Variants in MAP7 observed in about 807,000 individuals in gnomAD.
The protein encoded by MAP7 is microtubule associated protein 7, also known as ensconsin.
In MAP7, 52 loss-of-function variants were observed where a neutral mutation model predicts 94.8. The observed-to-expected ratio is 0.55, with a 90% CI of 0.44 to 0.69. The LOEUF is 0.69. Ranked by LOEUF, MAP7 falls within the 30% of genes least tolerant of loss-of-function variation. MAP7 has a pLI of 0.00. For missense variants in MAP7, 940 were observed against 964.6 expected (o/e 0.97, Z 0.34); for synonymous variants, 350 against 357.0 (o/e 0.98, Z 0.22).
intron 6 of MAP7, among the ~76,000 whole-genome samples, chr6:136,380,034 T>A (rs556506015): frequency 6.6e-6 from 1 of 152,326 alleles, no homozygotes; most frequent in South Asian, 2.1e-4. Flanking sequence ...TTTGTTTTTT[T>A]CCCCTAGAGG....
chr6:136,532,209 G>A (rs759595321), intron 1 of MAP7, among the ~76,000 whole-genome samples: 5 of 152,146 alleles, frequency 3.3e-5, no homozygotes, highest in Non-Finnish European at 7.3e-5. Context: ...GTGTCACAGT[G>A]GAATCGGCAG....
In MAP7 at chr6:136,356,715, G is replaced by A; in HGVS notation, c.1992C>T (p.His664=). 2 of 1,614,092 alleles carry A rather than the reference G, an allele frequency of 1.2e-6. No individual in the cohort carries two copies. The highest frequency in any genetic ancestry group is 1.7e-6 in the Non-Finnish European group (2 of 1,180,002). Residue 664 remains histidine, a synonymous_variant, in exon 16 of 18, where the codon CAC becomes CAT. Transcript: ENST00000354570. The part of the protein sequence containing the change: ...PVGSPHVVTS[H]QSKVTVESTP... ...ACCTCTCCACTGTCACTTTTGACTG[G>A]TGTGAGGTAACCACATGTGGGCTGC... is the stretch of plus-strand genomic sequence containing the variant.
chr6:136,393,978 A>AATTTTTTTTTTTTTTTTTTTT lies in MAP7; in HGVS notation c.245-4462_245-4461insAAAAAAAAAAAAAAAAAAAAT, dbSNP rs1554242697. 2.2e-4 allele frequency among the ~76,000 whole-genome samples: 8 copies of AATTTTTTTTTTTTTTTTTTTT among 36,204 alleles called. 3 individuals are homozygous for AATTTTTTTTTTTTTTTTTTTT. The highest frequency in any genetic ancestry group is 2.1e-4 in the Non-Finnish European group (3 of 13,996). The allele number at this position is 36,204 out of a possible 152,430, so 23.8% of individuals were successfully genotyped here. A position where few individuals can be genotyped will look rare whatever the true frequency, so the allele number is the denominator to read the frequency against. ...GTTCTGATATCTCTGCAGCAAAGGTATTTTTTTTTTTTTTTTTTTTTTTGA... is the reference window on the plus strand; with the variant it reads ...GTTCTGATATCTCTGCAGCAAAGGTAATTTTTTTTTTTTTTTTTTTTTTTTTTTTTTTTTTTTTTTTTTTGA... On this transcript the variant is annotated intron_variant, in intron 3 of 17. Coordinates refer to ENST00000354570, the MANE Select transcript of MAP7 (RefSeq NM_003980.6).
chr6:136,354,143 CATCTACTATATATAAAAATATGT>C (rs1394679750), intron 16 of MAP7, among the ~76,000 whole-genome samples: 2,675 of 142,784 alleles, frequency 0.019, 72 homozygotes, highest in African/African-American at 0.064. Context: ...AAAATATATA[CATCTACTATATATAAAAATATGT>C]ATCTACTATA....
chr6:136,476,995 G>C (rs1397634207), intron 1 of MAP7, among the ~76,000 whole-genome samples: 2 of 152,108 alleles, frequency 1.3e-5, no homozygotes, highest in East Asian at 1.9e-4. Flanking sequence ...AATTGATCCA[G>C]GCAAGAATCA....
chr6:136,488,846 C>G (rs1173691561), intron 1 of MAP7, among the ~76,000 whole-genome samples: 7 of 152,120 alleles, frequency 4.6e-5, no homozygotes. Context: ...AAATTTTAGG[C>G]ATAATCTCAA....
intron 1 of MAP7, among the ~76,000 whole-genome samples, chr6:136,539,882 G>A (rs1014314696): frequency 6.6e-6 from 1 of 152,216 alleles, no homozygotes; most frequent in East Asian, 1.9e-4. Flanking sequence ...GGTAGGCTGA[G>A]GTAGGAGAAT....
intron 1 of MAP7, among the ~76,000 whole-genome samples, chr6:136,538,075 C>T (rs1829027718): frequency 6.6e-6 from 1 of 152,182 alleles, no homozygotes; most frequent in South Asian, 2.1e-4. Context: ...AGCCACCATG[C>T]CTGGCTGAAA....
At chr6:136,388,599 A>C in intron 4 of MAP7, 89 bp from the exon 5 acceptor site, 2 of 955,580 alleles carry the variant, frequency 2.1e-6, no homozygotes, top group South Asian at 2.8e-5. Flanking sequence ...GAGGAGTACT[A>C]CTTCAATTCC....
At chr6:136,417,471 C>A (rs554105760) in intron 2 of MAP7, among the ~76,000 whole-genome samples, 132 of 152,346 alleles carry the variant, frequency 8.7e-4, no homozygotes, top group African/African-American at 3.0e-3. Flanking sequence ...TAGGCCTTGA[C>A]TCATATGTAA....
At chr6:136,352,190 ATTTTTT>A (rs60677576) in intron 16 of MAP7, among the ~76,000 whole-genome samples, 2 of 137,864 alleles carry the variant, frequency 1.5e-5, no homozygotes, top group Admixed American at 7.4e-5. Context: ...TGCTATTCGT[ATTTTTT>A]TTTTTTTTTT....
At chr6:136,506,121 T>A in intron 1 of MAP7, among the ~76,000 whole-genome samples, 1 of 152,200 alleles carries the variant, frequency 6.6e-6, no homozygotes, top group East Asian at 1.9e-4. Flanking sequence ...TGCCAATTTA[T>A]GTTTTCCTAG....
chr6:136,480,598 C>T (rs1327365151), intron 1 of MAP7, among the ~76,000 whole-genome samples: 5 of 138,560 alleles, frequency 3.6e-5, no homozygotes, highest in East Asian at 2.3e-4. Context: ...GTCAAGATTG[C>T]GCCACTGCAC....
chr6:136,352,159 T>G (rs1789409224), intron 16 of MAP7, among the ~76,000 whole-genome samples: 1 of 151,666 alleles, frequency 6.6e-6, no homozygotes, highest in Non-Finnish European at 1.5e-5. Context: ...AACACTAGGG[T>G]ATGTGACTGC....
At position 136,372,607 on chromosome 6, in the gene MAP7, A is replaced by T. The variant is rs150650551; in HGVS notation, c.770T>A (p.Ile257Asn). The change falls in exon 8 of 18, where the codon ATC becomes AAC. Residue 257 changes from isoleucine to asparagine, a missense_variant. By Grantham distance (149) the Ile-to-Asn change is moderately radical. Transcript: ENST00000354570. Reference protein sequence around the residue: ...SGEAASCSPIIMPYKAAHSRN... With the variant: ...SGEAASCSPINMPYKAAHSRN... ...AGAGTGTGCAGCTTTGTAGGGCATG[A>T]TGATGGGGCTGCAAGATGCTGAACG... The T allele has an allele frequency of 4.8e-4, 776 of 1,614,138 alleles. 2 individuals are homozygous for T. The Middle Eastern group carries it at 5.1e-3, about 11-fold the overall frequency.
chr6:136,359,684 A>G (rs1242793608), intron 15 of MAP7, 136 bp downstream of exon 15: 3 of 777,646 alleles, frequency 3.9e-6, no homozygotes, highest in Non-Finnish European at 6.4e-6. Context: ...GGACTCGATG[A>G]CAGACCCCTA....
chr6:136,346,621 C>A (rs922722345), intron 16 of MAP7, among the ~76,000 whole-genome samples: 8 of 152,168 alleles, frequency 5.3e-5, no homozygotes, highest in Non-Finnish European at 8.8e-5. Context: ...TCAAATAGAA[C>A]AATTTATCAA....
In MAP7 at chr6:136,485,781, C is replaced by A. The variant is rs1056674467; in HGVS notation, c.68-63982G>T. 2.6e-5 allele frequency among the ~76,000 whole-genome samples: 4 copies of A among 152,026 alleles called. No individual in the cohort carries two copies. In the South Asian group the frequency reaches 8.3e-4, roughly 32 times the overall value. ...GTTTCACCATTTTAACCGGGATGGT[C>A]TCGATCTCCTGACCTCGTGATCCGC... On this transcript the variant is annotated intron_variant, in intron 1 of 17. Coordinates refer to ENST00000354570, the MANE Select transcript of MAP7 (RefSeq NM_003980.6).
chr6:136,347,563 G>T (rs549017609), intron 16 of MAP7, among the ~76,000 whole-genome samples: 1 of 152,052 alleles, frequency 6.6e-6, no homozygotes, highest in African/African-American at 2.4e-5. Context: ...AAGCCACCAT[G>T]CCTAGCTAAT....
Sources: gnomAD v4.1 joint callset for allele counts (sites outside exome capture counted in the v4.1 genomes callset) on GRCh38, gnomAD v4.1.1 for gene constraint, MANE v1.5 for transcripts, NCBI Gene and HGNC (gene_info 2026-07-23, HGNC 2026-07-21) for gene names.